DBR1: variants seen among roughly 807,000 people sequenced by gnomAD.
The protein encoded by DBR1 is debranching RNA lariats 1.
A neutral mutation model predicts 45.9 loss-of-function variants in DBR1; 33 were observed. That is an observed-to-expected ratio of 0.72 (90% CI 0.55 to 0.96). The LOEUF is 0.96. Ranked by LOEUF, DBR1 falls within the 40% of genes least tolerant of loss-of-function variation. The pLI is 0.00. For missense variants in DBR1, 619 were observed against 667.4 expected, an observed-to-expected ratio of 0.93 and a Z score of 0.80; for synonymous variants, 235 against 235.9, an observed-to-expected ratio of 1.00 and a Z score of 0.04.
chr3:138,161,878 A>T lies in DBR1; in HGVS notation c.*11T>A. The stretch of plus-strand genomic sequence containing the variant: ...ACAAAACAAACACAAAAACAAAACA[A>T]GTAAATCATCTTAAGCTGCATCGTC... On this transcript the variant is annotated 3_prime_UTR_variant, in exon 8 of 8. Coordinates refer to ENST00000260803, the MANE Select transcript of DBR1 (RefSeq NM_016216.4). 1 of 1,598,032 alleles carries T rather than the reference A, an allele frequency of 6.3e-7. No homozygotes were observed. Among genetic ancestry groups the T allele is most frequent in the Non-Finnish European group, 8.6e-7 (1 of 1,166,528 alleles).
chr3:138,172,668 T>C (rs1434018289), intron 2 of DBR1, among the ~76,000 whole-genome samples: 2 of 152,076 alleles, frequency 1.3e-5, no homozygotes, highest in Non-Finnish European at 2.9e-5. Flanking sequence ...AATCTGAAAA[T>C]CTAAAAGCAG....
In DBR1 at chr3:138,162,309, A is replaced by G; in HGVS notation, c.1215T>C (p.Asn405=). 6.2e-7 allele frequency: 1 copy of G among 1,614,230 alleles called. No homozygotes were observed. The highest frequency in any genetic ancestry group is 8.5e-7 in the Non-Finnish European group (1 of 1,180,046). The part of the protein sequence containing the change: ...EYEEQDDVES[N]DSGEDQSEYN... Reference sequence around the variant, plus strand: ...ATTCACTCTGGTCTTCTCCAGAGTCATTACTCTCCACATCATCCTGTTCTT... The same window carrying G: ...ATTCACTCTGGTCTTCTCCAGAGTCGTTACTCTCCACATCATCCTGTTCTT... Residue 405 remains asparagine (N), a synonymous_variant, in exon 8 of 8, where the codon AAT becomes AAC. Transcript: ENST00000260803.
chr3:138,173,592 T>C lies in DBR1; in HGVS notation c.232A>G (p.Thr78Ala). 6.2e-7 allele frequency: 1 copy of C among 1,613,852 alleles called. No homozygotes were observed. The highest frequency in any genetic ancestry group is 8.5e-7 in the Non-Finnish European group (1 of 1,179,888). The change falls in exon 2 of 8, where the codon ACG (threonine) becomes GCG (alanine). Residue 78 changes from threonine (T) to alanine (A), a missense_variant. Thr to Ala is a moderately conservative substitution (Grantham distance 58). Transcript: ENST00000260803. ...YSGEKKAPVLTLFIGGNHEAS... is the reference protein window; with the variant it reads ...YSGEKKAPVLALFIGGNHEAS... ...TCATGGTTTCCCCCAATGAAGAGCG[T>C]GAGAACTGGAGCCTTTTTCTCTCCA...
At chr3:138,167,338 C>T (rs770286867) in intron 4 of DBR1, 33 bp from the exon 5 acceptor site, 23 of 1,485,734 alleles carry the variant, frequency 1.5e-5, no homozygotes, top group Non-Finnish European at 2.0e-5. Flanking sequence ...AGAAAGAAAA[C>T]TCTTAAAACA....
chr3:138,163,463 G>T lies in DBR1; in HGVS notation c.827C>A (p.Pro276His), dbSNP rs751840925. Residue 276 changes from proline (P) to histidine (H), a missense_variant, in exon 7 of 8, where the codon CCT (proline) becomes CAT (histidine). By Grantham distance (77) the Pro-to-His change is moderately conservative. Transcript: ENST00000260803. ...TTCAATATCATATTCCAAGTAATCAGGAGCACTGGGGTCATGTTCTATCTC... is the reference window on the plus strand; with the variant it reads ...TTCAATATCATATTCCAAGTAATCATGAGCACTGGGGTCATGTTCTATCTC... Reference protein sequence around the residue: ...ILEIEHDPSAPDYLEYDIEWL... With the variant: ...ILEIEHDPSAHDYLEYDIEWL... The T allele has an allele frequency of 1.9e-6, 3 of 1,607,688 alleles. No individual in the cohort carries two copies. The South Asian group carries it at 3.3e-5, about 18-fold the overall frequency.
chr3:138,173,336 C>G (rs2042963588), intron 2 of DBR1, among the ~76,000 whole-genome samples, 166 bp downstream of exon 2: 1 of 152,096 alleles, frequency 6.6e-6, no homozygotes, highest in Non-Finnish European at 1.5e-5. Flanking sequence ...TTTTCATGAT[C>G]AACCATTTAA....
chr3:138,171,633 C>G lies in DBR1; in HGVS notation c.403G>C (p.Gly135Arg). 1 of 1,609,160 alleles carries G rather than the reference C, an allele frequency of 6.2e-7. No homozygotes were observed. Among genetic ancestry groups the G allele is most frequent in the Admixed American group, 1.7e-5 (1 of 59,892 alleles). Residue 135 changes from glycine (G) to arginine (R), a missense_variant and splice_region_variant, in exon 3 of 8, where the codon GGT (glycine) becomes CGT (arginine). By Grantham distance (125) the Gly-to-Arg change is moderately radical (BLOSUM62 -2). Coordinates refer to ENST00000260803, the MANE Select transcript of DBR1 (RefSeq NM_016216.4). Reference sequence around the variant, plus strand: ...TTAAAAATAATTCTCAAAACAATACCTTTTCGATAGTCATGAGATTTAAAG... The same window carrying G: ...TTAAAAATAATTCTCAAAACAATACGTTTTCGATAGTCATGAGATTTAAAG... ...GIFKSHDYRK[G>R]HFECPPYNSS...
Position 138,162,600 on chromosome 3 carries a change from A to T in DBR1, c.942-18T>A, listed in dbSNP as rs540119005. On this transcript the variant is annotated intron_variant, in intron 7 of 7. Coordinates refer to ENST00000260803, the MANE Select transcript of DBR1 (RefSeq NM_016216.4). Reference sequence around the variant, plus strand: ...AATCCCACCTATAAAAGTACAAAACAATAGCTTTTTACATTTTATCAGCTC... The same window carrying T: ...AATCCCACCTATAAAAGTACAAAACTATAGCTTTTTACATTTTATCAGCTC... 1 of 1,580,546 alleles carries T rather than the reference A, an allele frequency of 6.3e-7. No individual in the cohort carries two copies. The highest frequency in any genetic ancestry group is 8.7e-7 in the Non-Finnish European group (1 of 1,154,720).
rs548369040 is a variant in DBR1 at position 138,166,839 on chromosome 3, T to C, written c.714+242A>G. ...CAGCTATCACCTTTTGAAAACCTTCTCTATCTTCATCTCCCATGTTCCCAT... is the reference window on the plus strand; with the variant it reads ...CAGCTATCACCTTTTGAAAACCTTCCCTATCTTCATCTCCCATGTTCCCAT... On this transcript the variant is annotated intron_variant, in intron 5 of 7. Transcript: ENST00000260803. Among the ~76,000 whole-genome samples, 18 of 152,306 alleles carry C rather than the reference T, an allele frequency of 1.2e-4. No homozygotes were observed. In the South Asian group the frequency reaches 3.7e-3, roughly 32 times the overall value.
intron 2 of DBR1, 143 bp from the exon 3 acceptor site, chr3:138,171,856 A>G (rs74586171): frequency 0.015 from 9,837 of 650,840 alleles, 129 homozygotes; most frequent in African/African-American, 0.038. Flanking sequence ...TGCTTTTTAC[A>G]TAATAATATG....
rs780091549 is a variant in DBR1 at position 138,162,020 on chromosome 3, C to T, written c.1504G>A (p.Gly502Arg). The change falls in exon 8 of 8, where the codon GGA (glycine) becomes AGA (arginine). Residue 502 changes from glycine (G) to arginine (R), a missense_variant. By Grantham distance (125) the Gly-to-Arg change is moderately radical. This residue lies in a region of DBR1 where 182 missense variants were observed against 196.1 expected (regional missense o/e 0.93). Coordinates refer to ENST00000260803, the MANE Select transcript of DBR1 (RefSeq NM_016216.4). ...KPGGTVESGN[G>R]EDLTKVPLKR... The stretch of plus-strand genomic sequence containing the variant: ...AATGGCACCTTGGTTAAGTCCTCTC[C>T]ATTCCCTGACTCCACAGTCCCACCA... 3.1e-6 allele frequency: 5 copies of T among 1,614,172 alleles called. No individual in the cohort carries two copies. In the Admixed American group the frequency reaches 5.0e-5, roughly 16 times the overall value.
At chr3:138,162,658 T>C in intron 7 of DBR1, 76 bp from the exon 8 acceptor site, 3 of 1,261,112 alleles carry the variant, frequency 2.4e-6, no homozygotes, top group South Asian at 3.0e-5. Flanking sequence ...AATTACAGAC[T>C]TCAGGTGCAA....
At chr3:138,167,033 T>C in intron 5 of DBR1, 48 bp downstream of exon 5, 1 of 1,519,204 alleles carries the variant, frequency 6.6e-7, no homozygotes, top group Non-Finnish European at 9.1e-7. Flanking sequence ...GGTCCATAGA[T>C]GTTCAATAGT....
At chr3:138,173,255 G>T (rs987717168) in intron 2 of DBR1, among the ~76,000 whole-genome samples, 1 of 151,730 alleles carries the variant, frequency 6.6e-6, no homozygotes, top group African/African-American at 2.4e-5. Context: ...AAAAATGAAG[G>T]GACTACAAAT....
chr3:138,167,023 G>T, intron 5 of DBR1, 58 bp downstream of exon 5: 1 of 1,456,850 alleles, frequency 6.9e-7, no homozygotes, highest in Non-Finnish European at 9.6e-7. Flanking sequence ...AACTGTGTCT[G>T]GTCCATAGAT....
At chr3:138,171,796 T>TGG in intron 2 of DBR1, 83 bp from the exon 3 acceptor site, 1 of 964,652 alleles carries the variant, frequency 1.0e-6, no homozygotes, top group Non-Finnish European at 1.6e-6. Context: ...TTAGATGGAA[T>TGG]TCCACACAGT....
chr3:138,169,205 T>C (rs1056265617), intron 4 of DBR1, among the ~76,000 whole-genome samples: 1 of 152,212 alleles, frequency 6.6e-6, no homozygotes, highest in Non-Finnish European at 1.5e-5. Context: ...GGCAGGTTAC[T>C]TACCTGTCTG....
At position 138,167,098 on chromosome 3, in the gene DBR1, C is replaced by T. The variant is rs150484271; in HGVS notation, c.697G>A (p.Ala233Thr). 13 of 1,613,892 alleles carry T rather than the reference C, an allele frequency of 8.1e-6. No individual in the cohort carries two copies. The highest frequency in any genetic ancestry group is 4.0e-5 in the African/African-American group (3 of 74,894). ...TTTTCTACCTGATGCTGCATCAAGG[C>T]GGCAAACTTCACATGAAGGTGGGCA... Reference protein sequence around the residue: ...FSAHLHVKFAALMQHQAKDKG... With the variant: ...FSAHLHVKFATLMQHQAKDKG... The change falls in exon 5 of 8, where the codon GCC (alanine) becomes ACC (threonine). Residue 233 changes from alanine to threonine, a missense_variant. By Grantham distance (58) the Ala-to-Thr change is moderately conservative (BLOSUM62 0). Transcript: ENST00000260803.
In DBR1 at chr3:138,173,609, T is replaced by A; in HGVS notation, c.215A>T (p.Lys72Ile). 1 of 1,613,870 alleles carries A rather than the reference T, an allele frequency of 6.2e-7. No homozygotes were observed. The highest frequency in any genetic ancestry group is 8.5e-7 in the Non-Finnish European group (1 of 1,179,882). Residue 72 changes from lysine to isoleucine, a missense_variant, in exon 2 of 8, where the codon AAA (lysine) becomes ATA (isoleucine). This residue lies in a region of DBR1 where 430 missense variants were observed against 447.7 expected (regional missense o/e 0.96). Transcript: ENST00000260803. ...GAAGAGCGTGAGAACTGGAGCCTTT[T>A]TCTCTCCAGAGTAATACCTAGAACA... ...QTFYRYYSGE[K>I]KAPVLTLFIG...
Sources: allele counts gnomAD v4.1 joint callset (sites outside exome capture counted in the v4.1 genomes callset), GRCh38; gene constraint gnomAD v4.1.1; regional missense constraint gnomAD v4.1.1; transcripts MANE v1.5; gene names NCBI Gene and HGNC (gene_info 2026-07-23, HGNC 2026-07-21).